COMMD1: variants seen among roughly 807,000 people sequenced by gnomAD.
The protein encoded by COMMD1 is COMM domain-containing protein 1.
COMMD1 carries 10 observed loss-of-function variants against 17.2 expected under a neutral mutation model. The observed-to-expected ratio is 0.58, with a 90% CI of 0.36 to 0.99. COMMD1 has a LOEUF of 0.99. COMMD1 is among the 50% of genes least tolerant of loss of function. The pLI is 0.01. For synonymous variants in COMMD1, 97 were observed against 91.6 expected (o/e 1.06, Z -0.34); for missense variants, 270 against 231.8 (o/e 1.17, Z -1.07).
intron 1 of COMMD1, among the ~76,000 whole-genome samples, chr2:61,924,865 G>A (rs1406014057): frequency 1.3e-5 from 2 of 152,208 alleles, no homozygotes; most frequent in African/African-American, 2.4e-5. Flanking sequence ...GAAGACTACA[G>A]GAGAGGGCGT....
At chr2:61,985,729 A>T (rs1672089647) in intron 1 of COMMD1, among the ~76,000 whole-genome samples, 1 of 152,212 alleles carries the variant, frequency 6.6e-6, no homozygotes, top group South Asian at 2.1e-4. Flanking sequence ...TTGGTAGCAT[A>T]CATAAACAAA....
intron 1 of COMMD1, among the ~76,000 whole-genome samples, chr2:61,994,641 G>A (rs947722466): frequency 6.6e-6 from 1 of 152,142 alleles, no homozygotes; most frequent in Non-Finnish European, 1.5e-5. Context: ...GAAGGATGCT[G>A]AGATAGCATT....
chr2:62,055,374 A>G, intron 2 of COMMD1: 2 of 455,380 alleles, frequency 4.4e-6, no homozygotes, highest in Non-Finnish European at 8.8e-6. Context: ...AGAAGACTCT[A>G]AGACTGCCAG....
intron 1 of COMMD1, among the ~76,000 whole-genome samples, chr2:61,994,852 G>A (rs993891980): frequency 3.9e-5 from 6 of 152,078 alleles, no homozygotes; most frequent in African/African-American, 1.4e-4. Context: ...CATTTCTCCT[G>A]CCCTAAATTG....
At chr2:61,926,540 T>C (rs528437238) in intron 1 of COMMD1, among the ~76,000 whole-genome samples, 72 of 152,324 alleles carry the variant, frequency 4.7e-4, no homozygotes, top group Non-Finnish European at 8.7e-4. Flanking sequence ...TGAGGCATCA[T>C]ACAGTTTTCC....
chr2:62,064,268 G>T (rs998612682), intron 2 of COMMD1, among the ~76,000 whole-genome samples: 3 of 151,960 alleles, frequency 2.0e-5, no homozygotes, highest in African/African-American at 7.3e-5. Context: ...CCACCTCCTG[G>T]GTTCAAGTGA....
intron 1 of COMMD1, among the ~76,000 whole-genome samples, chr2:61,914,729 T>G (rs1388634063): frequency 1.3e-5 from 2 of 151,822 alleles, no homozygotes; most frequent in African/African-American, 2.4e-5. Flanking sequence ...CTCACTCTGT[T>G]GCCCAGGCTG....
At chr2:62,040,457 T>A (rs2103893466) in intron 2 of COMMD1, among the ~76,000 whole-genome samples, 1 of 152,278 alleles carries the variant, frequency 6.6e-6, no homozygotes, top group Non-Finnish European at 1.5e-5. Flanking sequence ...CTTTTCAGAG[T>A]ATAGTTTCTC....
chr2:62,007,073 T>C (rs1669142176), intron 2 of COMMD1, among the ~76,000 whole-genome samples: 1 of 152,226 alleles, frequency 6.6e-6, no homozygotes, highest in Non-Finnish European at 1.5e-5. Context: ...GATTTTAAGA[T>C]GCCCTGCATG....
chr2:61,993,570 GAAGA>G (rs1485302318), intron 1 of COMMD1, among the ~76,000 whole-genome samples: 2 of 152,214 alleles, frequency 1.3e-5, no homozygotes, highest in African/African-American at 4.8e-5. Flanking sequence ...TCAAGATGTG[GAAGA>G]GAGAGAAGAA....
upstream of COMMD1, chr2:61,905,671 C>T (rs372986888): frequency 2.7e-5 from 42 of 1,545,512 alleles, no homozygotes; most frequent in African/African-American, 2.8e-4. Flanking sequence ...GCGGGGCCTT[C>T]GCAGAGCATG....
intron 1 of COMMD1, among the ~76,000 whole-genome samples, chr2:61,961,742 A>G (rs1443805235): frequency 6.7e-6 from 1 of 150,062 alleles, no homozygotes; most frequent in Non-Finnish European, 1.5e-5. Context: ...TTCAATTTTT[A>G]TCTTTTTGCC....
chr2:62,025,626 T>G (rs1282617982), intron 2 of COMMD1, among the ~76,000 whole-genome samples: 1 of 152,088 alleles, frequency 6.6e-6, no homozygotes, highest in African/African-American at 2.4e-5. Flanking sequence ...TAATGTCATT[T>G]GCTTTCTGAC....
At chr2:62,050,372 A>G (rs891536775) in intron 2 of COMMD1, among the ~76,000 whole-genome samples, 1 of 152,216 alleles carries the variant, frequency 6.6e-6, no homozygotes, top group African/African-American at 2.4e-5. Flanking sequence ...TCTAGTACTA[A>G]TAATGTCTGC....
chr2:62,114,405 G>A (rs1672532455), intron 2 of COMMD1, among the ~76,000 whole-genome samples: 1 of 152,214 alleles, frequency 6.6e-6, no homozygotes, highest in Admixed American at 6.5e-5. Flanking sequence ...CTTATCAAGA[G>A]GGCAAGGGAA....
At chr2:62,076,030 C>T (rs1324472478) in intron 2 of COMMD1, among the ~76,000 whole-genome samples, 6 of 152,174 alleles carry the variant, frequency 3.9e-5, no homozygotes, top group Non-Finnish European at 8.8e-5. Context: ...CTTGCTGTTG[C>T]AATATTCCTT....
chr2:61,965,731 G>T (rs888941947), intron 1 of COMMD1, among the ~76,000 whole-genome samples: 1 of 152,180 alleles, frequency 6.6e-6, no homozygotes, highest in Admixed American at 6.5e-5. Flanking sequence ...TAAATCTCAG[G>T]AGCAGGATTT....
At chr2:61,942,324 G>A (rs915952029) in intron 1 of COMMD1, among the ~76,000 whole-genome samples, 1 of 152,004 alleles carries the variant, frequency 6.6e-6, no homozygotes, top group Non-Finnish European at 1.5e-5. Context: ...GGCTGGTCTC[G>A]AACTCCTGAC....
intron 2 of COMMD1, among the ~76,000 whole-genome samples, chr2:62,095,854 TATA>T (rs1371593363): frequency 1.0e-5 from 1 of 96,474 alleles, no homozygotes; most frequent in East Asian, 2.4e-4. Context: ...CACAGGTATA[TATA>T]ACCCTGTGTG....
Sources: gnomAD v4.1 joint callset for allele counts (sites outside exome capture counted in the v4.1 genomes callset) on GRCh38, gnomAD v4.1.1 for gene constraint, MANE v1.5 for transcripts, NCBI Gene and HGNC (gene_info 2026-07-23, HGNC 2026-07-21) for gene names.